The following CTNNA2 variants were observed in gnomAD, a reference collection of about 807,000 sequenced individuals.
The protein encoded by CTNNA2 is catenin alpha-2.
Under a neutral mutation model 101.0 loss-of-function variants are expected in CTNNA2, and 42 were observed. The ratio of observed to expected loss-of-function variants is 0.42; its 90% CI spans 0.32 to 0.54. The LOEUF is 0.54. Ranked by LOEUF, CTNNA2 falls within the 20% of genes least tolerant of loss-of-function variation. The probability of loss-of-function intolerance (pLI) is 0.14; values close to 1 mark genes in which losing one functional copy is unlikely to be tolerated. For synonymous variants in CTNNA2, 450 were observed against 456.4 expected (o/e 0.99, Z 0.18); for missense variants, 871 against 1,223.1 (o/e 0.71, Z 4.29).
chr2:79,260,953 A>G (rs1279013193), intron 2 of CTNNA2, among the ~76,000 whole-genome samples: 1 of 152,194 alleles, frequency 6.6e-6, no homozygotes, highest in Non-Finnish European at 1.5e-5. Flanking sequence ...CTATAAGGAC[A>G]TGTCAAATGA....
intron 9 of CTNNA2, among the ~76,000 whole-genome samples, chr2:80,495,676 C>T (rs1247284941): frequency 2.6e-5 from 4 of 152,100 alleles, no homozygotes; most frequent in Admixed American, 1.3e-4. Context: ...GGTTGGCTCA[C>T]GCCTATAATC....
chr2:79,762,386 C>T (rs1396777065), intron 3 of CTNNA2, among the ~76,000 whole-genome samples: 1 of 152,134 alleles, frequency 6.6e-6, no homozygotes, highest in Non-Finnish European at 1.5e-5. Flanking sequence ...AGAAAATCCT[C>T]CTGGTTTTTG....
chr2:79,794,404 T>G (rs1675532680), intron 3 of CTNNA2, among the ~76,000 whole-genome samples: 1 of 152,180 alleles, frequency 6.6e-6, no homozygotes, highest in Non-Finnish European at 1.5e-5. Flanking sequence ...TGAGTATTTA[T>G]TTATTCATTT....
At chr2:80,024,308 G>C (rs1434061651) in intron 7 of CTNNA2, among the ~76,000 whole-genome samples, 1 of 152,132 alleles carries the variant, frequency 6.6e-6, no homozygotes, top group Non-Finnish European at 1.5e-5. Context: ...ACGAGTGCTT[G>C]GATACAGGAC....
chr2:80,213,965 G>A (rs1036593780), intron 7 of CTNNA2, among the ~76,000 whole-genome samples: 1 of 152,210 alleles, frequency 6.6e-6, no homozygotes, highest in Non-Finnish European at 1.5e-5. Context: ...TTACCATTAA[G>A]TAATGGCCTT....
chr2:80,490,290 C>A (rs1344749833), intron 9 of CTNNA2, among the ~76,000 whole-genome samples: 7 of 104,056 alleles, frequency 6.7e-5, no homozygotes, highest in Non-Finnish European at 1.3e-4. Context: ...ACCCCCCCCC[C>A]GGTAAAGCAC....
chr2:80,393,580 T>C (rs996602298), intron 8 of CTNNA2, among the ~76,000 whole-genome samples: 4 of 152,178 alleles, frequency 2.6e-5, no homozygotes, highest in Admixed American at 2.0e-4. Context: ...GGTCTTTAGT[T>C]TTCCAAATCC....
At chr2:79,559,818 T>C (rs913333138) in intron 1 of CTNNA2, among the ~76,000 whole-genome samples, 1 of 151,900 alleles carries the variant, frequency 6.6e-6, no homozygotes, top group Admixed American at 6.6e-5. Flanking sequence ...GTGAAGATGA[T>C]AAAATAATAC....
chr2:80,332,047 A>G (rs1573744670), intron 7 of CTNNA2, among the ~76,000 whole-genome samples: 1 of 152,248 alleles, frequency 6.6e-6, no homozygotes, highest in East Asian at 1.9e-4. Context: ...GAACACATTT[A>G]ATGGAGTGCC....
At chr2:79,876,807 T>C (rs959918486) in intron 6 of CTNNA2, among the ~76,000 whole-genome samples, 2 of 152,206 alleles carry the variant, frequency 1.3e-5, no homozygotes, top group Non-Finnish European at 2.9e-5. Flanking sequence ...TATGTCAACA[T>C]GTTGAATGTT....
chr2:80,595,954 A>G (rs1399992200), intron 15 of CTNNA2, among the ~76,000 whole-genome samples: 1 of 152,162 alleles, frequency 6.6e-6, no homozygotes, highest in Non-Finnish European at 1.5e-5. Flanking sequence ...TACTTTGGGC[A>G]GTGTGGCCAT....
At chr2:80,396,027 A>G (rs548735488) in intron 8 of CTNNA2, among the ~76,000 whole-genome samples, 94 of 152,306 alleles carry the variant, frequency 6.2e-4, no homozygotes, top group African/African-American at 1.9e-3. Flanking sequence ...ACCAAATTGA[A>G]AAGAAACAAA....
chr2:79,527,035 G>C (rs1401234685), intron 1 of CTNNA2, among the ~76,000 whole-genome samples: 1 of 152,050 alleles, frequency 6.6e-6, no homozygotes, highest in African/African-American at 2.4e-5. Flanking sequence ...AAACTTTTAT[G>C]CATCAAAGGA....
chr2:80,273,302 T>C (rs1163143436), intron 7 of CTNNA2, among the ~76,000 whole-genome samples: 1 of 152,240 alleles, frequency 6.6e-6, no homozygotes, highest in East Asian at 1.9e-4. Context: ...CAACAATAAG[T>C]GTTGTCAGCT....
intron 3 of CTNNA2, among the ~76,000 whole-genome samples, chr2:79,840,552 A>G (rs1314432334): frequency 1.3e-5 from 2 of 152,140 alleles, no homozygotes; most frequent in East Asian, 3.8e-4. Flanking sequence ...ATGCTATTCA[A>G]TCTCTCACAT....
chr2:79,670,800 A>G (rs1417860333), intron 2 of CTNNA2, among the ~76,000 whole-genome samples: 2 of 152,104 alleles, frequency 1.3e-5, no homozygotes, highest in Admixed American at 6.6e-5. Context: ...TAACTCTATC[A>G]TGTTCTGTTT....
At chr2:79,991,822 A>C (rs1342295161) in intron 7 of CTNNA2, among the ~76,000 whole-genome samples, 1 of 152,098 alleles carries the variant, frequency 6.6e-6, no homozygotes, top group Non-Finnish European at 1.5e-5. Context: ...CAGTGTTGAG[A>C]TGATTTGAGG....
intron 3 of CTNNA2, among the ~76,000 whole-genome samples, chr2:79,787,913 C>A (rs1033008094): frequency 9.2e-5 from 14 of 151,946 alleles, no homozygotes; most frequent in African/African-American, 3.1e-4. Flanking sequence ...TATAAGGTAA[C>A]AAATTCTCAG....
At chr2:80,237,356 T>C (rs1183348737) in intron 7 of CTNNA2, among the ~76,000 whole-genome samples, 1 of 152,190 alleles carries the variant, frequency 6.6e-6, no homozygotes, top group African/African-American at 2.4e-5. Flanking sequence ...ATTTTGACTT[T>C]AGGATGGGTT....
Sources: allele counts gnomAD v4.1 joint callset (sites outside exome capture counted in the v4.1 genomes callset), GRCh38; gene constraint gnomAD v4.1.1; transcripts MANE v1.5; gene names NCBI Gene and HGNC (gene_info 2026-07-23, HGNC 2026-07-21).